The following SGCZ variants were observed in gnomAD, a reference collection of about 807,000 sequenced individuals.
SGCZ encodes the protein zeta-sarcoglycan.
Under a neutral mutation model 41.3 loss-of-function variants are expected in SGCZ, and 40 were observed. The ratio of observed to expected loss-of-function variants is 0.97; its 90% CI spans 0.75 to 1.26. The LOEUF (loss-of-function observed/expected upper bound fraction) is 1.26, where lower values mean the gene tolerates loss of function less well. Among genes scored for constraint, SGCZ ranks in the 50% most tolerant of loss-of-function variants. The pLI, the probability that SGCZ is intolerant of heterozygous loss-of-function variation, is 0.00. For synonymous variants in SGCZ, 206 were observed against 137.5 expected, an observed-to-expected ratio of 1.50 and a Z score of -3.49; for missense variants, 552 against 369.8, an observed-to-expected ratio of 1.49 and a Z score of -4.04.
intron 1 of SGCZ, among the ~76,000 whole-genome samples, chr8:14,751,924 T>G (rs950082759): frequency 2.1e-5 from 3 of 145,916 alleles, no homozygotes; most frequent in African/African-American, 7.7e-5. Context: ...AGAGTGAGAC[T>G]CCGACTCAAG....
At chr8:15,202,753 T>G (rs1800930008) in intron 1 of SGCZ, among the ~76,000 whole-genome samples, 1 of 152,180 alleles carries the variant, frequency 6.6e-6, no homozygotes, top group Admixed American at 6.5e-5. Context: ...TATCAATACC[T>G]TTTAGAAATG....
chr8:14,220,237 A>T (rs926834451), intron 4 of SGCZ, among the ~76,000 whole-genome samples: 2 of 152,196 alleles, frequency 1.3e-5, no homozygotes, highest in Non-Finnish European at 2.9e-5. Flanking sequence ...GAATGGATAA[A>T]TTGTAGTGTA....
chr8:14,509,249 C>T (rs997160753), intron 2 of SGCZ, among the ~76,000 whole-genome samples: 5 of 151,972 alleles, frequency 3.3e-5, no homozygotes, highest in African/African-American at 1.2e-4. Flanking sequence ...ATTGTACAAC[C>T]CTTGTTAATT....
At chr8:14,615,293 G>T (rs1341456571) in intron 1 of SGCZ, among the ~76,000 whole-genome samples, 1 of 152,132 alleles carries the variant, frequency 6.6e-6, no homozygotes, top group African/African-American at 2.4e-5. Context: ...ATTTCAGCCA[G>T]TTGCAAGCAA....
intron 1 of SGCZ, among the ~76,000 whole-genome samples, chr8:14,689,672 A>T (rs1808734760): frequency 6.6e-6 from 1 of 152,196 alleles, no homozygotes; most frequent in South Asian, 2.1e-4. Flanking sequence ...ATTTAAATGA[A>T]ATTGTTAATC....
intron 1 of SGCZ, among the ~76,000 whole-genome samples, chr8:14,799,399 G>C (rs2041505827): frequency 6.6e-6 from 1 of 152,224 alleles, no homozygotes; most frequent in African/African-American, 2.4e-5. Flanking sequence ...ATTTCCAGGA[G>C]AACCCCAATT....
intron 2 of SGCZ, among the ~76,000 whole-genome samples, chr8:14,348,592 T>G (rs551989212): frequency 6.6e-6 from 1 of 152,236 alleles, no homozygotes; most frequent in East Asian, 1.9e-4. Context: ...GGCATACAAC[T>G]GAAACTTGGC....
intron 7 of SGCZ, among the ~76,000 whole-genome samples, chr8:14,091,085 T>G (rs1481295086): frequency 6.6e-6 from 1 of 151,858 alleles, no homozygotes; most frequent in African/African-American, 2.4e-5. Flanking sequence ...GAACATGCAG[T>G]GTTTGGTTTT....
At chr8:14,169,503 C>A (rs964032416) in intron 4 of SGCZ, among the ~76,000 whole-genome samples, 4 of 152,112 alleles carry the variant, frequency 2.6e-5, no homozygotes, top group African/African-American at 7.2e-5. Flanking sequence ...GAATCTGACA[C>A]ACTTTCATTT....
At chr8:14,429,885 G>C (rs1799894106) in intron 2 of SGCZ, among the ~76,000 whole-genome samples, 2 of 152,034 alleles carry the variant, frequency 1.3e-5, no homozygotes, top group East Asian at 3.9e-4. Flanking sequence ...ATATAAGCTA[G>C]GAAGTTTGCA....
chr8:14,492,306 G>A (rs1485084542), intron 2 of SGCZ, among the ~76,000 whole-genome samples: 8 of 152,132 alleles, frequency 5.3e-5, no homozygotes, highest in Admixed American at 1.3e-4. Context: ...ATTGGTATAA[G>A]CTGAAAGCAA....
chr8:14,413,004 G>T (rs1799401890), intron 2 of SGCZ, among the ~76,000 whole-genome samples: 1 of 151,688 alleles, frequency 6.6e-6, no homozygotes, highest in South Asian at 2.1e-4. Context: ...TTGTTATAAA[G>T]GACAACAGTT....
intron 1 of SGCZ, among the ~76,000 whole-genome samples, chr8:14,703,905 T>C (rs919466294): frequency 1.4e-4 from 21 of 152,056 alleles, no homozygotes; most frequent in Admixed American, 1.4e-3. Context: ...ATGGTGGCTC[T>C]GAAGTTTAAT....
chr8:14,606,714 G>A (rs1805761653), intron 1 of SGCZ, among the ~76,000 whole-genome samples: 1 of 152,182 alleles, frequency 6.6e-6, no homozygotes, highest in Admixed American at 6.5e-5. Context: ...AGTACATGAA[G>A]TATACAGCAA....
chr8:15,154,814 T>C (rs1368471537), intron 1 of SGCZ, among the ~76,000 whole-genome samples: 3 of 152,234 alleles, frequency 2.0e-5, no homozygotes, highest in Non-Finnish European at 4.4e-5. Context: ...CCAGAATTTG[T>C]ATAAAAAGTT....
Position 14,985,378 on chromosome 8 carries a change from G to A in SGCZ, c.39+252207C>T, listed in dbSNP as rs566113415. ...TTTCATGCTTTCTCTGACGAAAGGA[G>A]AAAGAAAGGCATTGCTCTGTTTCCT... On this transcript the variant is annotated intron_variant, in intron 1 of 7. Coordinates refer to ENST00000382080, the MANE Select transcript of SGCZ (RefSeq NM_139167.4). Among the ~76,000 whole-genome samples, 6 of 152,256 alleles carry A rather than the reference G, an allele frequency of 3.9e-5. No homozygotes were observed. In the East Asian group the frequency reaches 9.7e-4, roughly 25 times the overall value.
At chr8:14,988,570 T>C (rs915333317) in intron 1 of SGCZ, among the ~76,000 whole-genome samples, 1 of 152,100 alleles carries the variant, frequency 6.6e-6, no homozygotes, top group Non-Finnish European at 1.5e-5. Context: ...TCAAATCGTC[T>C]TTTCATTTCT....
chr8:14,275,826 C>T (rs1051058871), intron 3 of SGCZ, among the ~76,000 whole-genome samples: 1 of 152,142 alleles, frequency 6.6e-6, no homozygotes, highest in African/African-American at 2.4e-5. Context: ...CAAGGATCCA[C>T]CCCTGTAGGA....
intron 3 of SGCZ, among the ~76,000 whole-genome samples, chr8:14,241,940 C>T (rs1416492034): frequency 6.6e-6 from 1 of 152,010 alleles, no homozygotes; most frequent in Admixed American, 6.5e-5. Context: ...TTTCTATTGC[C>T]TTCACTTTAT....
Sources: allele counts gnomAD v4.1 joint callset (sites outside exome capture counted in the v4.1 genomes callset), GRCh38; gene constraint gnomAD v4.1.1; transcripts MANE v1.5; gene names NCBI Gene and HGNC (gene_info 2026-07-23, HGNC 2026-07-21).